SSBP2: variants seen among roughly 807,000 people sequenced by gnomAD.
The protein encoded by SSBP2 is single-stranded DNA-binding protein 2.
A neutral mutation model predicts 61.8 loss-of-function variants in SSBP2; 17 were observed. The ratio of observed to expected loss-of-function variants is 0.28; its 90% CI spans 0.19 to 0.41. The LOEUF is 0.41. Among genes scored for constraint, SSBP2 ranks in the 10% least tolerant of loss-of-function variants. The pLI, the probability that SSBP2 is intolerant of heterozygous loss-of-function variation, is 1.00. For synonymous variants in SSBP2, 139 were observed against 141.3 expected, an observed-to-expected ratio of 0.98 and a Z score of 0.12; for missense variants, 310 against 458.7, an observed-to-expected ratio of 0.68 and a Z score of 2.96.
At position 81,740,289 on chromosome 5, in the gene SSBP2, AC is replaced by A. The variant is rs368279369; in HGVS notation, c.62+10691del. On this transcript the variant is annotated intron_variant, in intron 1 of 16. Transcript: ENST00000320672. ...TAAGTGAAGGAATACAGTATCAGTC[AC>A]TAAGTTTAATCCAGGGTAAAAAAAA... Among the ~76,000 whole-genome samples the A allele has an allele frequency of 3.2e-3, 482 of 152,044 alleles. 3 individuals are homozygous for A. Among genetic ancestry groups the A allele is most frequent in the African/African-American group, 0.011 (462 of 41,450 alleles).
chr5:81,661,649 T>A (rs747024473), intron 1 of SSBP2, among the ~76,000 whole-genome samples: 1 of 152,208 alleles, frequency 6.6e-6, no homozygotes, highest in Non-Finnish European at 1.5e-5. Context: ...TATGTTTTAT[T>A]TTGAGAAATT....
chr5:81,656,924 G>A (rs879676127), intron 1 of SSBP2, among the ~76,000 whole-genome samples: 1 of 152,060 alleles, frequency 6.6e-6, no homozygotes, highest in Admixed American at 6.6e-5. Context: ...GTGCAGAACA[G>A]TTTGTATAGT....
chr5:81,440,985 T>C (rs1762995489), intron 13 of SSBP2, among the ~76,000 whole-genome samples: 1 of 152,340 alleles, frequency 6.6e-6, no homozygotes, highest in African/African-American at 2.4e-5. Context: ...AAACCAAAGG[T>C]GGTTCTTAAG....
In SSBP2 at chr5:81,529,501, T is replaced by C. The variant is rs1341342127; in HGVS notation, c.283-15784A>G. Among the ~76,000 whole-genome samples, 4 of 152,122 alleles carry C rather than the reference T, an allele frequency of 2.6e-5. No homozygotes were observed. In the South Asian group the frequency reaches 6.2e-4, roughly 24 times the overall value. On this transcript the variant is annotated intron_variant, in intron 4 of 16. Transcript: ENST00000320672. ...ATGAGGGCAGGCTCAACCGTCTTCATATTACCTGGGAGACTAGTGCTCTAC... is the reference window on the plus strand; with the variant it reads ...ATGAGGGCAGGCTCAACCGTCTTCACATTACCTGGGAGACTAGTGCTCTAC...
At chr5:81,744,399 A>G (rs1210809956) in intron 1 of SSBP2, among the ~76,000 whole-genome samples, 1 of 152,174 alleles carries the variant, frequency 6.6e-6, no homozygotes, top group African/African-American at 2.4e-5. Context: ...AAATCATATT[A>G]ATTTCAGGTA....
At chr5:81,624,390 A>G (rs1746929287) in intron 3 of SSBP2, among the ~76,000 whole-genome samples, 2 of 152,188 alleles carry the variant, frequency 1.3e-5, no homozygotes, top group Non-Finnish European at 2.9e-5. Flanking sequence ...AGTATCCCTT[A>G]TCTGAAATTC....
intron 4 of SSBP2, among the ~76,000 whole-genome samples, chr5:81,527,509 G>A (rs1770036968): frequency 6.6e-6 from 1 of 151,972 alleles, no homozygotes; most frequent in Admixed American, 6.6e-5. Flanking sequence ...CAAGTTTGAG[G>A]GAAGGAGTGA....
rs142385846 is a variant in SSBP2, at chr5:81,473,765, G to A, written c.505C>T (p.Pro169Ser). ...CTCTGCATTGGCCCACCCATATTTGGATGTCCTAAAAAAAGTATGAAGACA... is the reference window on the plus strand; with the variant it reads ...CTCTGCATTGGCCCACCCATATTTGAATGTCCTAAAAAAAGTATGAAGACA... The change falls in exon 8 of 17, where the codon CCA becomes TCA. Residue 169 changes from proline (P) to serine (S), a missense_variant. By Grantham distance (74) the Pro-to-Ser change is moderately conservative. Around this residue, in one of 4 missense-constraint regions of SSBP2, gnomAD observed 209 missense variants for 286.4 expected, o/e 0.73. Transcript: ENST00000320672. 146 of 1,613,640 alleles carry A rather than the reference G, an allele frequency of 9.0e-5. No individual in the cohort carries two copies. The highest frequency in any genetic ancestry group is 1.1e-4 in the Non-Finnish European group (134 of 1,179,832).
intron 1 of SSBP2, among the ~76,000 whole-genome samples, chr5:81,654,918 C>T (rs1176862662): frequency 6.6e-6 from 1 of 152,012 alleles, no homozygotes; most frequent in African/African-American, 2.4e-5. Context: ...AGGAGGATAG[C>T]TTGAGCCCTG....
chr5:81,681,474 C>T (rs892252618), intron 1 of SSBP2, among the ~76,000 whole-genome samples: 12 of 148,020 alleles, frequency 8.1e-5, no homozygotes, highest in Non-Finnish European at 1.5e-4. Context: ...GAGCCAAGAT[C>T]GTACCACTGC....
intron 6 of SSBP2, among the ~76,000 whole-genome samples, chr5:81,478,796 A>G (rs185739964): frequency 6.6e-6 from 1 of 152,248 alleles, no homozygotes; most frequent in South Asian, 2.1e-4. Flanking sequence ...TTAAGTCTCC[A>G]AATGGTTAGA....
At chr5:81,592,448 C>G (rs1040112545) in intron 4 of SSBP2, among the ~76,000 whole-genome samples, 34 of 152,318 alleles carry the variant, frequency 2.2e-4, no homozygotes, top group Non-Finnish European at 1.0e-4. Flanking sequence ...CAGCAGTAAC[C>G]TCTGCAGACT....
intron 1 of SSBP2, among the ~76,000 whole-genome samples, chr5:81,657,410 T>C (rs900355970): frequency 4.6e-5 from 7 of 152,206 alleles, no homozygotes; most frequent in Admixed American, 1.3e-4. Context: ...TTAAGAAATG[T>C]TCATAATTCA....
intron 1 of SSBP2, among the ~76,000 whole-genome samples, chr5:81,702,817 C>A (rs186519756): frequency 1.3e-5 from 2 of 152,148 alleles, no homozygotes; most frequent in South Asian, 2.1e-4. Flanking sequence ...ATCTTCATTG[C>A]CTTTAGCCAG....
rs540943792 is a variant in SSBP2 at position 81,698,550 on chromosome 5, G to C, written c.63-48211C>G. Among the ~76,000 whole-genome samples the C allele has an allele frequency of 5.9e-5, 9 of 152,272 alleles. No individual in the cohort carries two copies. In the South Asian group the frequency reaches 1.9e-3, roughly 32 times the overall value. On this transcript the variant is annotated intron_variant, in intron 1 of 16. Coordinates refer to ENST00000320672, the MANE Select transcript of SSBP2 (RefSeq NM_012446.5). ...ATGTAGGCCACGTGCGGTGGCTCACGCCTATAATCCTAGCACTTTGGGATG... is the reference window on the plus strand; with the variant it reads ...ATGTAGGCCACGTGCGGTGGCTCACCCCTATAATCCTAGCACTTTGGGATG...
chr5:81,480,515 T>C (rs1025811613), intron 6 of SSBP2, among the ~76,000 whole-genome samples: 1 of 152,232 alleles, frequency 6.6e-6, no homozygotes, highest in Admixed American at 6.5e-5. Context: ...TTTTGGCTTG[T>C]AGAAGTCTTG....
chr5:81,747,025 G>C (rs986729092), intron 1 of SSBP2, among the ~76,000 whole-genome samples: 6 of 141,332 alleles, frequency 4.2e-5, no homozygotes, highest in African/African-American at 1.5e-4. Context: ...AAATTCCTGG[G>C]GGGGGGGGGA....
intron 4 of SSBP2, among the ~76,000 whole-genome samples, chr5:81,610,457 A>G (rs1226428090): frequency 1.3e-5 from 2 of 152,200 alleles, no homozygotes; most frequent in Admixed American, 6.5e-5. Context: ...AAATATCTGT[A>G]CCTTCTTTTA....
At chr5:81,652,430 G>A (rs1353748544) in intron 1 of SSBP2, among the ~76,000 whole-genome samples, 1 of 152,100 alleles carries the variant, frequency 6.6e-6, no homozygotes, top group Non-Finnish European at 1.5e-5. Flanking sequence ...TGTATTGGAA[G>A]GAACTGAGAA....
Sources: gnomAD v4.1 joint callset for allele counts (sites outside exome capture counted in the v4.1 genomes callset) on GRCh38, gnomAD v4.1.1 for gene constraint, gnomAD v4.1.1 regional missense constraint, MANE v1.5 for transcripts, NCBI Gene and HGNC (gene_info 2026-07-23, HGNC 2026-07-21) for gene names.